LRFN2: variants seen among roughly 807,000 people sequenced by gnomAD.
LRFN2 encodes the protein leucine-rich repeat and fibronectin type-III domain-containing protein 2.
Under a neutral mutation model 37.3 loss-of-function variants are expected in LRFN2, and 18 were observed. The observed-to-expected ratio is 0.48, with a 90% CI of 0.33 to 0.72. The LOEUF (loss-of-function observed/expected upper bound fraction) is 0.72. LRFN2 is among the 30% of genes least tolerant of loss of function. LRFN2 has a pLI of 0.02. For missense variants in LRFN2, 1,006 were observed against 1,060.7 expected, an observed-to-expected ratio of 0.95 and a Z score of 0.72; for synonymous variants, 556 against 466.6, an observed-to-expected ratio of 1.19 and a Z score of -2.47.
intron 1 of LRFN2, among the ~76,000 whole-genome samples, chr6:40,542,938 G>A (rs1230793803): frequency 6.6e-6 from 1 of 152,230 alleles, no homozygotes; most frequent in Non-Finnish European, 1.5e-5. Context: ...CCTCTAGACA[G>A]AGGCTGTTTG....
chr6:40,486,633 T>G (rs1764965442), intron 1 of LRFN2, among the ~76,000 whole-genome samples: 1 of 152,232 alleles, frequency 6.6e-6, no homozygotes, highest in Middle Eastern at 3.4e-3. Context: ...TGAGGCCGCC[T>G]CATTTGAAAT....
At chr6:40,552,519 A>G (rs1766794899) in intron 1 of LRFN2, among the ~76,000 whole-genome samples, 1 of 152,230 alleles carries the variant, frequency 6.6e-6, no homozygotes. Flanking sequence ...GAGCAGACAC[A>G]GTTATGTGGG....
chr6:40,432,693 C>T lies in LRFN2; in HGVS notation c.421G>A (p.Asp141Asn), dbSNP rs772261239. 4.3e-6 allele frequency: 7 copies of T among 1,614,180 alleles called. No homozygotes were observed. The highest frequency in any genetic ancestry group is 5.9e-6 in the Non-Finnish European group (7 of 1,180,042). The change falls in exon 2 of 3, where the codon GAT (aspartate) becomes AAT (asparagine). Residue 141 changes from aspartate to asparagine, a missense_variant. By Grantham distance (23) the Asp-to-Asn change is conservative (BLOSUM62 1). Around this residue, in one of 4 missense-constraint regions of LRFN2, gnomAD observed 185 missense variants for 254.9 expected, o/e 0.73. Transcript: ENST00000338305. Reference sequence around the variant, plus strand: ...AGCAGGAAGTCCTCAAAAGCCTCATCTGCGATGCCGCCCAGCTGGTTGTTG... The same window carrying T: ...AGCAGGAAGTCCTCAAAAGCCTCATTTGCGATGCCGCCCAGCTGGTTGTTG... ...VNNNQLGGIADEAFEDFLLTL... is the reference protein window; with the variant it reads ...VNNNQLGGIANEAFEDFLLTL...
intron 1 of LRFN2, among the ~76,000 whole-genome samples, chr6:40,489,697 A>AC: frequency 6.6e-6 from 1 of 152,040 alleles, no homozygotes. Flanking sequence ...GTCCTTACCC[A>AC]CCCTTCTCAC....
intron 1 of LRFN2, among the ~76,000 whole-genome samples, chr6:40,539,478 C>A (rs994922483): frequency 2.6e-5 from 4 of 152,218 alleles, no homozygotes; most frequent in African/African-American, 9.7e-5. Context: ...CTTCCAGGTT[C>A]AATTCATTCG....
chr6:40,464,177 C>G (rs1257442560), intron 1 of LRFN2, among the ~76,000 whole-genome samples: 1 of 152,170 alleles, frequency 6.6e-6, no homozygotes. Context: ...GACTGTGAAA[C>G]CCTCCAAAGC....
Position 40,562,745 on chromosome 6 carries a change from T to C in LRFN2, c.-19+24196A>G, listed in dbSNP as rs846508. On this transcript the variant is annotated intron_variant, in intron 1 of 2. Transcript: ENST00000338305. ...AACCTAGCCTATTTCTGTCTGTGCA[T>C]GGAGATGAAGACATTCCTAGAAATT... 3.5e-3 allele frequency among the ~76,000 whole-genome samples: 540 copies of C among 152,206 alleles called. 4 individuals are homozygous for C. The highest frequency in any genetic ancestry group is 0.012 in the African/African-American group (509 of 41,534).
rs72852037 is a variant in LRFN2, at chr6:40,507,935, T to G, written c.-18-74804A>C. 2.2e-3 allele frequency among the ~76,000 whole-genome samples: 339 copies of G among 152,308 alleles called. 4 individuals carry two copies. The highest frequency in any genetic ancestry group is 3.7e-3 in the Non-Finnish European group (249 of 68,032). ...AATGTGTGCCTTTTATGACATTGTA[T>G]GCATGTCATAGCTGTCCTCAAGGTG... On this transcript the variant is annotated intron_variant, in intron 1 of 2. Transcript: ENST00000338305.
At chr6:40,466,841 G>A (rs1036659837) in intron 1 of LRFN2, among the ~76,000 whole-genome samples, 3 of 152,130 alleles carry the variant, frequency 2.0e-5, no homozygotes, top group African/African-American at 7.2e-5. Flanking sequence ...GTATTTGGAG[G>A]TAAGAGTCTT....
At position 40,510,599 on chromosome 6, in the gene LRFN2, G is replaced by A. The variant is rs553821720; in HGVS notation, c.-19+76342C>T. Among the ~76,000 whole-genome samples the A allele has an allele frequency of 4.6e-5, 7 of 152,366 alleles. No individual in the cohort carries two copies. In the South Asian group the frequency reaches 1.4e-3, roughly 32 times the overall value. On this transcript the variant is annotated intron_variant, in intron 1 of 2. Coordinates refer to ENST00000338305, the MANE Select transcript of LRFN2 (RefSeq NM_020737.3). ...TCAGTGCTGAGGCACAGTGAGGAGT[G>A]GGGTGATAAGAGCTGTGCCCCAGGG... is the stretch of plus-strand genomic sequence containing the variant.
chr6:40,529,822 A>T (rs1766315672), intron 1 of LRFN2, among the ~76,000 whole-genome samples: 1 of 152,256 alleles, frequency 6.6e-6, no homozygotes, highest in South Asian at 2.1e-4. Flanking sequence ...ATTCAACCGG[A>T]TCACAAAAGT....
At chr6:40,430,832 C>T (rs1763460946) in intron 2 of LRFN2, among the ~76,000 whole-genome samples, 1 of 152,282 alleles carries the variant, frequency 6.6e-6, no homozygotes, top group Non-Finnish European at 1.5e-5. Context: ...ATGATGTGGT[C>T]TGACTCAGTC....
intron 1 of LRFN2, among the ~76,000 whole-genome samples, chr6:40,494,899 C>A (rs1297457988): frequency 6.6e-6 from 1 of 152,182 alleles, no homozygotes; most frequent in Non-Finnish European, 1.5e-5. Context: ...ATAGACCAAC[C>A]CAAAAACCAT....
rs78988512 is a variant in LRFN2, at chr6:40,504,875, G to A, written c.-18-71744C>T. ...CACACTAGGGAGCTGTGAGTACAGC[G>A]TTGGGTCTGAAACCAGGGTCACTCT... On this transcript the variant is annotated intron_variant, in intron 1 of 2. Coordinates refer to ENST00000338305, the MANE Select transcript of LRFN2 (RefSeq NM_020737.3). 2.2e-3 allele frequency among the ~76,000 whole-genome samples: 328 copies of A among 152,322 alleles called. 2 individuals carry two copies. The highest frequency in any genetic ancestry group is 7.2e-3 in the African/African-American group (300 of 41,580).
chr6:40,566,188 C>A (rs1205176189), intron 1 of LRFN2, among the ~76,000 whole-genome samples: 1 of 152,122 alleles, frequency 6.6e-6, no homozygotes, highest in Non-Finnish European at 1.5e-5. Flanking sequence ...CAACGAGATA[C>A]CATCTCACAC....
intron 1 of LRFN2, among the ~76,000 whole-genome samples, chr6:40,559,207 G>A (rs1204294401): frequency 6.6e-6 from 1 of 152,100 alleles, no homozygotes; most frequent in Non-Finnish European, 1.5e-5. Context: ...GGCCTGATGG[G>A]GAGGGGTCAG....
At chr6:40,442,378 A>T (rs531528287) in intron 1 of LRFN2, among the ~76,000 whole-genome samples, 5 of 152,328 alleles carry the variant, frequency 3.3e-5, no homozygotes, top group South Asian at 4.1e-4. Flanking sequence ...AAAGGCTAGG[A>T]GGCTAGGTAG....
At chr6:40,485,632 C>T (rs373290854) in intron 1 of LRFN2, among the ~76,000 whole-genome samples, 8 of 152,154 alleles carry the variant, frequency 5.3e-5, no homozygotes, top group South Asian at 2.1e-4. Flanking sequence ...TCAGTGCCCC[C>T]GAGGTCTTGA....
chr6:40,568,698 T>C (rs922071020), intron 1 of LRFN2, among the ~76,000 whole-genome samples: 1 of 149,062 alleles, frequency 6.7e-6, no homozygotes, highest in African/African-American at 2.5e-5. Context: ...CTTCCTTCCT[T>C]CCTTCCTTCC....
Sources: gnomAD v4.1 joint callset for allele counts (sites outside exome capture counted in the v4.1 genomes callset) on GRCh38, gnomAD v4.1.1 for gene constraint, gnomAD v4.1.1 regional missense constraint, MANE v1.5 for transcripts, NCBI Gene and HGNC (gene_info 2026-07-23, HGNC 2026-07-21) for gene names.